Variants in CAAP1 observed in about 807,000 individuals in gnomAD.
CAAP1 encodes conserved anti-apoptotic protein.
CAAP1 carries 20 observed loss-of-function variants against 34.0 expected under a neutral mutation model. The ratio of observed to expected loss-of-function variants is 0.59; its 90% CI spans 0.41 to 0.86. CAAP1 has a LOEUF of 0.86. Ranked by LOEUF, CAAP1 falls within the 40% of genes least tolerant of loss-of-function variation. The pLI, the probability that CAAP1 is intolerant of heterozygous loss-of-function variation, is 0.00. For synonymous variants in CAAP1, 213 were observed against 166.7 expected, an observed-to-expected ratio of 1.28 and a Z score of -2.14; for missense variants, 538 against 450.5, an observed-to-expected ratio of 1.19 and a Z score of -1.76.
At chr9:26,867,327 T>G (rs1823163685) in intron 4 of CAAP1, among the ~76,000 whole-genome samples, 1 of 152,164 alleles carries the variant, frequency 6.6e-6, no homozygotes, top group Non-Finnish European at 1.5e-5. Flanking sequence ...TATAGTCTTC[T>G]CAAAGACCGT....
chr9:26,864,325 T>C (rs540708542), intron 4 of CAAP1, among the ~76,000 whole-genome samples: 23 of 152,218 alleles, frequency 1.5e-4, no homozygotes, highest in African/African-American at 5.1e-4. Context: ...ACCACATATA[T>C]GAACCCCTAA....
chr9:26,844,440 A>G (rs558350443), intron 5 of CAAP1, among the ~76,000 whole-genome samples: 2 of 152,380 alleles, frequency 1.3e-5, no homozygotes, highest in South Asian at 2.1e-4. Flanking sequence ...CCTAAAATTT[A>G]AAGTGTATAG....
At chr9:26,852,895 G>C (rs577478730) in intron 5 of CAAP1, among the ~76,000 whole-genome samples, 33 of 152,310 alleles carry the variant, frequency 2.2e-4, no homozygotes, top group Non-Finnish European at 3.7e-4. Context: ...GTTATCTGAG[G>C]AGGAAGCGGG....
intron 5 of CAAP1, among the ~76,000 whole-genome samples, chr9:26,843,742 A>G (rs1404069830): frequency 6.6e-6 from 1 of 152,164 alleles, no homozygotes; most frequent in Non-Finnish European, 1.5e-5. Flanking sequence ...CTGTACAGGA[A>G]GGACATAAAC....
At chr9:26,887,018 A>T (rs1241128014) in intron 2 of CAAP1, among the ~76,000 whole-genome samples, 6 of 152,180 alleles carry the variant, frequency 3.9e-5, no homozygotes, top group African/African-American at 1.4e-4. Context: ...GTTCGAGACC[A>T]GCCTGGCCAA....
intron 3 of CAAP1, among the ~76,000 whole-genome samples, chr9:26,885,706 C>T (rs1162562318): frequency 6.6e-6 from 1 of 152,076 alleles, no homozygotes; most frequent in Non-Finnish European, 1.5e-5. Flanking sequence ...TATTCTAACT[C>T]TATATCTGGG....
chr9:26,875,349 G>A (rs1307171635), intron 4 of CAAP1, among the ~76,000 whole-genome samples: 1 of 152,142 alleles, frequency 6.6e-6, no homozygotes. Context: ...TCACACCACT[G>A]CACTCCAGAC....
intron 4 of CAAP1, among the ~76,000 whole-genome samples, chr9:26,883,152 G>A (rs550747356): frequency 7.2e-5 from 11 of 152,220 alleles, no homozygotes; most frequent in South Asian, 4.2e-4. Context: ...GGCATGATTC[G>A]TTTTTCAAAT....
chr9:26,849,908 G>C (rs1438941916), intron 5 of CAAP1, among the ~76,000 whole-genome samples: 1 of 150,512 alleles, frequency 6.6e-6, no homozygotes, highest in Non-Finnish European at 1.5e-5. Context: ...GCATGATCTC[G>C]GCTCACTGCA....
At chr9:26,874,650 A>T (rs959814478) in intron 4 of CAAP1, among the ~76,000 whole-genome samples, 1 of 152,198 alleles carries the variant, frequency 6.6e-6, no homozygotes, top group African/African-American at 2.4e-5. Context: ...CACAGTTCCT[A>T]ATCTTCATCC....
chr9:26,844,902 C>A (rs909541145), intron 5 of CAAP1, among the ~76,000 whole-genome samples: 3 of 152,188 alleles, frequency 2.0e-5, no homozygotes, highest in South Asian at 2.1e-4. Flanking sequence ...ATGTTCTACA[C>A]GTGGCAAGCC....
intron 5 of CAAP1, among the ~76,000 whole-genome samples, chr9:26,848,327 C>A (rs1822664555): frequency 1.3e-5 from 2 of 152,082 alleles, no homozygotes; most frequent in African/African-American, 4.8e-5. Flanking sequence ...TTCTGGCTAA[C>A]ACAGTGAAGC....
chr9:26,857,858 G>C (rs144555348), intron 5 of CAAP1, among the ~76,000 whole-genome samples: 4 of 151,038 alleles, frequency 2.6e-5, no homozygotes, highest in Non-Finnish European at 4.4e-5. Flanking sequence ...CAACAAAGAT[G>C]AATGAAACCA....
intron 4 of CAAP1, among the ~76,000 whole-genome samples, chr9:26,880,763 T>C (rs1194584733): frequency 2.0e-5 from 3 of 152,138 alleles, no homozygotes; most frequent in African/African-American, 7.2e-5. Context: ...GCAACCTCCA[T>C]TTCCTGGGTT....
At chr9:26,887,669 C>T (rs547993484) in intron 1 of CAAP1, among the ~76,000 whole-genome samples, 156 bp from the exon 2 acceptor site, 59 of 152,240 alleles carry the variant, frequency 3.9e-4, no homozygotes, top group African/African-American at 1.4e-3. Flanking sequence ...GAGAGAATAT[C>T]TGTTTAATAT....
intron 1 of CAAP1, among the ~76,000 whole-genome samples, chr9:26,889,331 T>C (rs1294877961): frequency 6.6e-6 from 1 of 152,080 alleles, no homozygotes; most frequent in South Asian, 2.1e-4. Flanking sequence ...GGCAGAAGAA[T>C]TGCTTGAACC....
intron 1 of CAAP1, chr9:26,892,199 C>A: frequency 2.3e-6 from 3 of 1,325,848 alleles, no homozygotes; most frequent in Middle Eastern, 1.9e-4. Context: ...AAAAAGTGAT[C>A]AGGAAATCCA....
intron 4 of CAAP1, among the ~76,000 whole-genome samples, chr9:26,884,011 T>C (rs922734426): frequency 1.3e-5 from 2 of 152,222 alleles, no homozygotes; most frequent in Non-Finnish European, 2.9e-5. Flanking sequence ...TCTATGCTAC[T>C]GCCCCTGGTA....
intron 1 of CAAP1, 174 bp downstream of exon 1, chr9:26,892,239 G>C: frequency 6.8e-7 from 1 of 1,470,782 alleles, no homozygotes; most frequent in Non-Finnish European, 9.0e-7. Context: ...TCAAGACACG[G>C]ATGGGAGTGT....
Sources: allele counts gnomAD v4.1 joint callset (sites outside exome capture counted in the v4.1 genomes callset), GRCh38; gene constraint gnomAD v4.1.1; transcripts MANE v1.5; gene names NCBI Gene and HGNC (gene_info 2026-07-23, HGNC 2026-07-21).